The following SGIP1 variants were observed in gnomAD, a reference collection of about 807,000 sequenced individuals.
SGIP1 encodes SH3-containing GRB2-like protein 3-interacting protein 1.
SGIP1 carries 38 observed loss-of-function variants against 107.5 expected under a neutral mutation model. That is an observed-to-expected ratio of 0.35 (90% CI 0.27 to 0.46). The LOEUF is 0.46. SGIP1 is among the 20% of genes least tolerant of loss of function. The pLI, the probability that SGIP1 is intolerant of heterozygous loss-of-function variation, is 1.00. For missense variants in SGIP1, 929 were observed against 1,019.5 expected (o/e 0.91, Z 1.21); for synonymous variants, 365 against 366.1 (o/e 1.00, Z 0.03).
At chr1:66,605,511 G>T (rs187888816) in intron 1 of SGIP1, among the ~76,000 whole-genome samples, 1 of 151,932 alleles carries the variant, frequency 6.6e-6, no homozygotes, top group Non-Finnish European at 1.5e-5. Flanking sequence ...GAATTAAGGG[G>T]ATTGATGCCT....
intron 18 of SGIP1, among the ~76,000 whole-genome samples, chr1:66,712,504 A>G (rs2092984257): frequency 6.6e-6 from 1 of 152,140 alleles, no homozygotes; most frequent in Non-Finnish European, 1.5e-5. Flanking sequence ...ACACTCCTTT[A>G]TTTATAAAGG....
chr1:66,731,839 G>T (rs979682099), intron 20 of SGIP1, among the ~76,000 whole-genome samples: 1 of 152,150 alleles, frequency 6.6e-6, no homozygotes, highest in African/African-American at 2.4e-5. Context: ...ATTTCAGTTT[G>T]CAATCCCTAT....
In SGIP1 at chr1:66,622,067, G is replaced by T. The variant is rs970775169; in HGVS notation, c.11-3780G>T. ...TGCTGGGCCTCACCTATAAATTCAG[G>T]ATTTATCTGCATACATATGATGAAT... On this transcript the variant is annotated intron_variant, in intron 1 of 24. Transcript: ENST00000371037. 1.8e-4 allele frequency among the ~76,000 whole-genome samples: 27 copies of T among 152,088 alleles called. 1 individual carries two copies. Among genetic ancestry groups the T allele is most frequent in the Non-Finnish European group, 2.2e-4 (15 of 68,022 alleles).
At chr1:66,725,212 A>G (rs987508491) in intron 19 of SGIP1, among the ~76,000 whole-genome samples, 8 of 152,222 alleles carry the variant, frequency 5.3e-5, no homozygotes, top group African/African-American at 1.9e-4. Context: ...GGAGGCTCAC[A>G]TGGCATCTTT....
intron 1 of SGIP1, among the ~76,000 whole-genome samples, chr1:66,611,035 T>A (rs1346985551): frequency 6.6e-6 from 1 of 152,094 alleles, no homozygotes; most frequent in Admixed American, 6.5e-5. Context: ...GGGTACAGTG[T>A]ATACTACTCA....
At chr1:66,717,732 C>A (rs2093324175) in intron 18 of SGIP1, among the ~76,000 whole-genome samples, 1 of 152,120 alleles carries the variant, frequency 6.6e-6, no homozygotes, top group Non-Finnish European at 1.5e-5. Flanking sequence ...CAGGACTGAA[C>A]AAGTTGTATA....
At chr1:66,579,228 G>A (rs1435175865) in intron 1 of SGIP1, among the ~76,000 whole-genome samples, 1 of 152,070 alleles carries the variant, frequency 6.6e-6, no homozygotes, top group Non-Finnish European at 1.5e-5. Flanking sequence ...TACCATGTCA[G>A]TACCCAACAT....
chr1:66,658,644 T>C (rs905871986), intron 7 of SGIP1, among the ~76,000 whole-genome samples: 1 of 152,218 alleles, frequency 6.6e-6, no homozygotes, highest in Non-Finnish European at 1.5e-5. Context: ...CTAGAGAGAA[T>C]CCATGCATAG....
In SGIP1 at chr1:66,643,925, G is replaced by A. The variant is rs1329933547; in HGVS notation, c.459+206G>A. The A allele has an allele frequency of 2.0e-5, 7 of 356,808 alleles. No homozygotes were observed. In the East Asian group the frequency reaches 2.6e-4, roughly 13 times the overall value. 22.1% of individuals were successfully genotyped at this position (356,808 alleles called of 1,614,324 possible). A position where few individuals can be genotyped will look rare whatever the true frequency, so the allele number is the denominator to read the frequency against. On this transcript the variant is annotated intron_variant, in intron 7 of 24. Coordinates refer to ENST00000371037, the MANE Select transcript of SGIP1 (RefSeq NM_032291.4). ...TGCAGTCCTTGTGCTTTTCAAAAAG[G>A]TGAAAAATATATGGAACCACATTTT...
chr1:66,619,947 A>G (rs1012441700), intron 1 of SGIP1, among the ~76,000 whole-genome samples: 1 of 152,258 alleles, frequency 6.6e-6, no homozygotes, highest in African/African-American at 2.4e-5. Flanking sequence ...TCTTTGGAGT[A>G]TGAGACTTTG....
chr1:66,629,535 A>G (rs964629101), intron 2 of SGIP1, among the ~76,000 whole-genome samples: 4 of 152,124 alleles, frequency 2.6e-5, no homozygotes, highest in East Asian at 3.8e-4. Flanking sequence ...AAAAGAAAAG[A>G]TATCAATGGG....
chr1:66,558,623 T>C (rs143594335), intron 1 of SGIP1, among the ~76,000 whole-genome samples: 33 of 152,094 alleles, frequency 2.2e-4, no homozygotes, highest in Middle Eastern at 3.4e-3. Flanking sequence ...ACAGGCATTA[T>C]CTCATTGAAG....
At chr1:66,545,032 T>C (rs2056031747) in intron 1 of SGIP1, among the ~76,000 whole-genome samples, 1 of 152,158 alleles carries the variant, frequency 6.6e-6, no homozygotes. Flanking sequence ...CTGTAGATTG[T>C]CTTTCCTAAA....
At chr1:66,651,189 C>T (rs1410964346) in intron 7 of SGIP1, among the ~76,000 whole-genome samples, 1 of 152,166 alleles carries the variant, frequency 6.6e-6, no homozygotes, top group Non-Finnish European at 1.5e-5. Flanking sequence ...CCTTTAAGCT[C>T]ATTGATGACT....
chr1:66,739,784 T>C lies in SGIP1; in HGVS notation c.2234+247T>C, dbSNP rs182542062. On this transcript the variant is annotated intron_variant, in intron 22 of 24. Transcript: ENST00000371037. ...TCTCCAAAAATGCCTCCCAGAGCTC[T>C]GCAGAACTGGCCTGCCACAATCCCG... is the stretch of plus-strand genomic sequence containing the variant. 2.8e-4 allele frequency among the ~76,000 whole-genome samples: 43 copies of C among 152,342 alleles called. 1 individual carries two copies. The East Asian group carries it at 6.4e-3, about 23-fold the overall frequency.
At chr1:66,535,094 A>G (rs781197069) in intron 1 of SGIP1, among the ~76,000 whole-genome samples, 1 of 152,190 alleles carries the variant, frequency 6.6e-6, no homozygotes, top group South Asian at 2.1e-4. Context: ...CATATTCAAT[A>G]TTGAGTGTAA....
chr1:66,726,739 A>G (rs2093775727), intron 19 of SGIP1, among the ~76,000 whole-genome samples: 1 of 152,246 alleles, frequency 6.6e-6, no homozygotes, highest in African/African-American at 2.4e-5. Context: ...TATACATTGT[A>G]AGACTAAAAT....
rs71058473 is a variant in SGIP1, at chr1:66,749,995, TTCTCTC to T, written c.*6916_*6921del. 1.1e-5 allele frequency among the ~76,000 whole-genome samples: 1 copy of T among 93,104 alleles called. No homozygotes were observed. Among genetic ancestry groups the T allele is most frequent in the African/African-American group, 4.5e-5 (1 of 22,054 alleles). The allele number at this position is 93,104 out of a possible 152,430, so 61.1% of individuals were successfully genotyped here. A position where few individuals can be genotyped will look rare whatever the true frequency, so the allele number is the denominator to read the frequency against. On this transcript the variant is annotated 3_prime_UTR_variant, in exon 25 of 25. Coordinates refer to ENST00000371037, the MANE Select transcript of SGIP1 (RefSeq NM_032291.4). ...GAGATTGGCTCCTATCTAATTCATATTCTCTCTCTCTCTCTCTCTCTTTCTCTGTGT... is the reference window on the plus strand; with the variant it reads ...GAGATTGGCTCCTATCTAATTCATATTCTCTCTCTCTCTCTTTCTCTGTGT...
At chr1:66,631,681 TTCTCTCTCTCTCTCTCTC>T (rs71058468) in intron 2 of SGIP1, among the ~76,000 whole-genome samples, 18,736 of 132,202 alleles carry the variant, frequency 0.14, 1,790 homozygotes, top group East Asian at 0.41. Flanking sequence ...CTCTCTCTCT[TTCTCTCTCTCTCTCTCTC>T]TCTCTCTCTC....
Sources: allele counts gnomAD v4.1 joint callset (sites outside exome capture counted in the v4.1 genomes callset), GRCh38; gene constraint gnomAD v4.1.1; transcripts MANE v1.5; gene names NCBI Gene and HGNC (gene_info 2026-07-23, HGNC 2026-07-21).